FXR2: variants seen among roughly 807,000 people sequenced by gnomAD.
The protein encoded by FXR2 is RNA-binding protein FXR2.
In FXR2, 9 loss-of-function variants were observed where a neutral mutation model predicts 87.3. The ratio of observed to expected loss-of-function variants is 0.10; its 90% confidence interval spans 0.06 to 0.18. FXR2 has a LOEUF of 0.18. FXR2 is among the 10% of genes least tolerant of loss of function. The pLI, the probability that FXR2 is intolerant of heterozygous loss-of-function variation, is 1.00. For missense variants in FXR2, 661 were observed against 893.6 expected, an observed-to-expected ratio of 0.74 and a Z score of 3.32; for synonymous variants, 331 against 328.3, an observed-to-expected ratio of 1.01 and a Z score of -0.09.
intron 7 of FXR2, 98 bp downstream of exon 7, chr17:7,601,311 A>G (rs1022955122): frequency 2.3e-5 from 17 of 726,834 alleles, no homozygotes; most frequent in Non-Finnish European, 3.7e-5. Context: ...AAAAAGCCTT[A>G]GTCTTTGTTC....
At position 7,592,433 on chromosome 17, in the gene FXR2, G is replaced by C; in HGVS notation, c.1825+71C>G. 1 of 1,559,408 alleles carries C rather than the reference G, an allele frequency of 6.4e-7. No individual in the cohort carries two copies. The highest frequency in any genetic ancestry group is 8.8e-7 in the Non-Finnish European group (1 of 1,130,274). ...AGACACCCACTGAACCCGAACCCCT[G>C]ATTTTCACAGGGGTGAGCATCCCAT... is the stretch of plus-strand genomic sequence containing the variant. On this transcript the variant is annotated intron_variant, in intron 15 of 16. Coordinates refer to ENST00000250113, the MANE Select transcript of FXR2 (RefSeq NM_004860.4). This position sits in a 1 kb window ranked among gnomAD's most constrained non-coding sequence, Gnocchi z 4.8.
chr17:7,604,006 C>T lies in FXR2; in HGVS notation c.300+3G>A, dbSNP rs1045964561. 3 of 1,595,498 alleles carry T rather than the reference C, an allele frequency of 1.9e-6. No individual in the cohort carries two copies. Among genetic ancestry groups the T allele is most frequent in the Non-Finnish European group, 2.6e-6 (3 of 1,171,522 alleles). ...TTCTCCAAAGGCATTCCCAGTCACT[C>T]ACATCTCCCTTCATCATCCGCACCC... On this transcript the variant is annotated splice_donor_region_variant and intron_variant, in intron 4 of 16. Coordinates refer to ENST00000250113, the MANE Select transcript of FXR2 (RefSeq NM_004860.4).
Position 7,593,981 on chromosome 17 carries a change from A to G in FXR2, c.1044T>C (p.Val348=). 1.2e-6 allele frequency: 2 copies of G among 1,608,420 alleles called. No individual in the cohort carries two copies. Among genetic ancestry groups the G allele is most frequent in the Non-Finnish European group, 1.7e-6 (2 of 1,174,806 alleles). Residue 348 remains valine, a synonymous_variant, in exon 11 of 17, where the codon GTT becomes GTC. Coordinates refer to ENST00000250113, the MANE Select transcript of FXR2 (RefSeq NM_004860.4). The surrounding 1 kb of genome is among the most constrained non-coding windows in gnomAD (Gnocchi z 6.1). ...REEGMVPFIF[V]GTRENISNAQ... Reference sequence around the variant, plus strand: ...CATTGCTGATGTTCTCTCGGGTGCCAACAAAAATGAAGGGAACCATTCCCT... The same window carrying G: ...CATTGCTGATGTTCTCTCGGGTGCCGACAAAAATGAAGGGAACCATTCCCT...
chr17:7,610,049 C>CATGTATATGT (rs1567754155), intron 1 of FXR2, among the ~76,000 whole-genome samples: 2 of 35,688 alleles, frequency 5.6e-5, no homozygotes, highest in East Asian at 1.8e-3. Context: ...TATATATATA[C>CATGTATATGT]ACACACACAC....
chr17:7,614,510 C>A lies in FXR2; in HGVS notation c.23G>T (p.Gly8Val). ...GACGGGCAGTCCCGGCTCCACATCC[C>A]CCCCAGAGGCCAGGCCGCCCATGGC... MGGLASG[G>V]DVEPGLPVEV... The change falls in exon 1 of 17, where the codon GGG (glycine) becomes GTG (valine). Residue 8 changes from glycine to valine, a missense_variant. Physicochemically the swap from Gly to Val is moderately radical, Grantham distance 109 (BLOSUM62 -3). This residue lies in a region of FXR2 where 170 missense variants were observed against 247.2 expected (regional missense o/e 0.69). Coordinates refer to ENST00000250113, the MANE Select transcript of FXR2 (RefSeq NM_004860.4). 6.6e-7 allele frequency: 1 copy of A among 1,515,122 alleles called. No individual in the cohort carries two copies. The highest frequency in any genetic ancestry group is 8.8e-7 in the Non-Finnish European group (1 of 1,135,094). The allele number at this position is 1,515,122 out of a possible 1,614,324, so 93.9% of individuals were successfully genotyped here.
At chr17:7,607,515 C>T (rs1219507812) in intron 1 of FXR2, among the ~76,000 whole-genome samples, 1 of 151,946 alleles carries the variant, frequency 6.6e-6, no homozygotes, top group Non-Finnish European at 1.5e-5. Flanking sequence ...GCAACCTCCA[C>T]CCCCCGGGTT....
chr17:7,612,118 C>T (rs2071869992), intron 1 of FXR2, among the ~76,000 whole-genome samples: 1 of 152,168 alleles, frequency 6.6e-6, no homozygotes, highest in Non-Finnish European at 1.5e-5. Context: ...GTGTCCCTTC[C>T]CAGCCATCTC....
chr17:7,594,354 T>C lies in FXR2; in HGVS notation c.911-7A>G, dbSNP rs760322122. On this transcript the variant is annotated splice_region_variant and splice_polypyrimidine_tract_variant and intron_variant, in intron 9 of 16. Coordinates refer to ENST00000250113, the MANE Select transcript of FXR2 (RefSeq NM_004860.4). The surrounding 1 kb of genome is among the most constrained non-coding windows in gnomAD (Gnocchi z 5.1). Reference sequence around the variant, plus strand: ...TTCTTTCCAATCACTTTGCCTGGAATAGGTAAATGAGGAATTCAGCCTTTT... The same window carrying C: ...TTCTTTCCAATCACTTTGCCTGGAACAGGTAAATGAGGAATTCAGCCTTTT... 2.6e-6 allele frequency: 4 copies of C among 1,539,440 alleles called. No homozygotes were observed. The South Asian group carries it at 4.5e-5, about 17-fold the overall frequency.
chr17:7,597,205 G>C (rs1376766205), intron 7 of FXR2, among the ~76,000 whole-genome samples: 1 of 152,176 alleles, frequency 6.6e-6, no homozygotes, highest in Non-Finnish European at 1.5e-5. Context: ...TTCAGGGGCA[G>C]GAAGACAGGA....
At chr17:7,600,918 G>A (rs1382922937) in intron 7 of FXR2, among the ~76,000 whole-genome samples, 2 of 152,244 alleles carry the variant, frequency 1.3e-5, no homozygotes, top group Non-Finnish European at 2.9e-5. Context: ...GGTGGCTCAC[G>A]CCTGTAATCC....
intron 7 of FXR2, among the ~76,000 whole-genome samples, chr17:7,600,286 C>A (rs1222123470): frequency 6.6e-6 from 1 of 151,938 alleles, no homozygotes; most frequent in Non-Finnish European, 1.5e-5. Context: ...GCAACCTCCA[C>A]TTCCCAGGTT....
rs374665650 is a variant in FXR2 at position 7,593,951 on chromosome 17, C to T, written c.1074G>A (p.Gln358=). 4.6e-4 allele frequency: 736 copies of T among 1,612,036 alleles called. No individual in the cohort carries two copies. Among genetic ancestry groups the T allele is most frequent in the Non-Finnish European group, 5.9e-4 (693 of 1,178,130 alleles). Residue 358 remains glutamine, a synonymous_variant, in exon 11 of 17, where the codon CAG becomes CAA. Coordinates refer to ENST00000250113, the MANE Select transcript of FXR2 (RefSeq NM_004860.4). The surrounding 1 kb of genome is among the most constrained non-coding windows in gnomAD (Gnocchi z 6.1). ...AGGAGAGGTGATACTCCAGCAAAGC[C>T]TGGGCATTGCTGATGTTCTCTCGGG... The part of the protein sequence containing the change: ...VGTRENISNA[Q]ALLEYHLSYL...
At position 7,592,722 on chromosome 17, in the gene FXR2, A is replaced by C. The variant is rs1381394896; in HGVS notation, c.1701T>G (p.Asp567Glu). 1.2e-6 allele frequency: 2 copies of C among 1,613,166 alleles called. No individual in the cohort carries two copies. The highest frequency in any genetic ancestry group is 1.7e-6 in the Non-Finnish European group (2 of 1,179,736). Residue 567 changes from aspartate to glutamate, a missense_variant, in exon 14 of 17, where the codon GAT becomes GAG. Transcript: ENST00000250113. The surrounding 1 kb of genome is among the most constrained non-coding windows in gnomAD (Gnocchi z 4.8). ...RTVMDGGLES[D>E]GPNMTENGLE... ...GGCCATTCTCTGTCATGTTGGGCCC[A>C]TCTGATTCCAGGCCTCCATCCATGA...
At chr17:7,613,286 T>C (rs2071891747) in intron 1 of FXR2, among the ~76,000 whole-genome samples, 1 of 151,902 alleles carries the variant, frequency 6.6e-6, no homozygotes, top group Admixed American at 6.6e-5. Context: ...AATCAAAGAA[T>C]GAGACAGAAA....
chr17:7,610,051 C>CATGTATGTATATATAT (rs1567754161), intron 1 of FXR2, among the ~76,000 whole-genome samples: 6,565 of 104,168 alleles, frequency 0.063, 393 homozygotes, highest in South Asian at 0.097. Context: ...TATATATACA[C>CATGTATGTATATATAT]ACACACACAC....
At chr17:7,604,302 A>C (rs115054567) in intron 3 of FXR2, among the ~76,000 whole-genome samples, 5,993 of 151,978 alleles carry the variant, frequency 0.039, 373 homozygotes, top group African/African-American at 0.14. Context: ...CAGTGGCTCA[A>C]GCTTATAATC....
rs768970577 is a variant in FXR2 at position 7,592,549 on chromosome 17, G to A, written c.1780C>T (p.Arg594Cys). Residue 594 changes from arginine (R) to cysteine (C), a missense_variant, in exon 15 of 17, where the codon CGT becomes TGT. By Grantham distance (180) the Arg-to-Cys change is radical. Transcript: ENST00000250113. This position sits in a 1 kb window ranked among gnomAD's most constrained non-coding sequence, Gnocchi z 4.8. ...ATAGAGCCATCAGTCCGATTACCAC[G>A]GTTACGGCGGCGGCGGCTGCGATTA... ...RRNRSRRRRN[R>C]GNRTDGSISG... 7 of 1,613,942 alleles carry A rather than the reference G, an allele frequency of 4.3e-6. No homozygotes were observed. The highest frequency in any genetic ancestry group is 2.2e-5 in the East Asian group (1 of 44,884).
At chr17:7,600,323 C>T (rs994888206) in intron 7 of FXR2, among the ~76,000 whole-genome samples, 1 of 152,138 alleles carries the variant, frequency 6.6e-6, no homozygotes, top group South Asian at 2.1e-4. Flanking sequence ...CTCAGTCTCT[C>T]GAGTAGCTGA....
Position 7,594,130 on chromosome 17 carries a change from A to T in FXR2, c.1020+108T>A. ...CTGGGCTCTAAATCTACTAGTGTTAAACAACTTTCCGTACTCCACCCTCTC... is the reference window on the plus strand; with the variant it reads ...CTGGGCTCTAAATCTACTAGTGTTATACAACTTTCCGTACTCCACCCTCTC... On this transcript the variant is annotated intron_variant, in intron 10 of 16. Coordinates refer to ENST00000250113, the MANE Select transcript of FXR2 (RefSeq NM_004860.4). The surrounding 1 kb of genome is among the most constrained non-coding windows in gnomAD (Gnocchi z 5.1). The T allele has an allele frequency of 2.2e-6, 2 of 907,096 alleles. No homozygotes were observed. The highest frequency in any genetic ancestry group is 3.6e-6 in the Non-Finnish European group (2 of 552,438). The allele number at this position is 907,096 out of a possible 1,614,324, so 56.2% of individuals were successfully genotyped here.
Sources: allele counts gnomAD v4.1 joint callset (sites outside exome capture counted in the v4.1 genomes callset), GRCh38; gene constraint gnomAD v4.1.1; regional missense constraint gnomAD v4.1.1; non-coding constraint Gnocchi (gnomAD v3.1); transcripts MANE v1.5; gene names NCBI Gene and HGNC (gene_info 2026-07-23, HGNC 2026-07-21).